The following LRRC38 variants were observed in gnomAD, a reference collection of about 807,000 sequenced individuals.
LRRC38 encodes the protein leucine-rich repeat-containing protein 38.
LRRC38 carries 5 observed loss-of-function variants against 16.4 expected under a neutral mutation model. That is an observed-to-expected ratio of 0.31 (90% CI 0.16 to 0.64). The LOEUF (loss-of-function observed/expected upper bound fraction) is 0.64, where lower values mean the gene tolerates loss of function less well. LRRC38 is among the 30% of genes least tolerant of loss of function. The pLI, the probability that LRRC38 is intolerant of heterozygous loss-of-function variation, is 0.80. For missense variants in LRRC38, 341 were observed against 401.8 expected, an observed-to-expected ratio of 0.85 and a Z score of 1.29; for synonymous variants, 191 against 190.2, an observed-to-expected ratio of 1.00 and a Z score of -0.04.
intron 1 of LRRC38, among the ~76,000 whole-genome samples, chr1:13,485,289 A>G (rs1168579180): frequency 7.5e-6 from 1 of 134,048 alleles, no homozygotes; most frequent in South Asian, 2.5e-4. Context: ...AAAAAAAAAA[A>G]AAAAACGGCC....
At chr1:13,483,659 G>A (rs796444409) in intron 1 of LRRC38, among the ~76,000 whole-genome samples, 69 of 152,272 alleles carry the variant, frequency 4.5e-4, no homozygotes, top group African/African-American at 1.5e-3. Flanking sequence ...CCCAGGCTGG[G>A]CCACTTCACC....
chr1:13,483,017 T>G (rs571369521), intron 1 of LRRC38, among the ~76,000 whole-genome samples: 44 of 152,328 alleles, frequency 2.9e-4, no homozygotes, highest in African/African-American at 1.1e-3. Context: ...CCCCAGCTGG[T>G]CTGGCTCTGG....
chr1:13,483,221 G>A (rs781454692), intron 1 of LRRC38, among the ~76,000 whole-genome samples: 10 of 151,646 alleles, frequency 6.6e-5, no homozygotes, highest in Admixed American at 4.6e-4. Context: ...GTGTGATCTC[G>A]GCTCACTGGA....
chr1:13,481,553 G>A (rs1278285512), intron 1 of LRRC38, among the ~76,000 whole-genome samples: 19 of 151,330 alleles, frequency 1.3e-4, no homozygotes, highest in South Asian at 2.1e-4. Flanking sequence ...CACCACGCCC[G>A]GCTAATTTTT....
At chr1:13,481,772 C>T (rs1402180674) in intron 1 of LRRC38, among the ~76,000 whole-genome samples, 696 of 29,956 alleles carry the variant, frequency 0.023, 24 homozygotes, top group Non-Finnish European at 0.026. Flanking sequence ...CCTCTCTCTC[C>T]CTCTCTCCCT....
intron 1 of LRRC38, among the ~76,000 whole-genome samples, chr1:13,505,604 G>A (rs1201157454): frequency 6.6e-6 from 1 of 152,166 alleles, no homozygotes; most frequent in African/African-American, 2.4e-5. Flanking sequence ...TGGCCTCTTG[G>A]AGCCTGCATT....
intron 1 of LRRC38, among the ~76,000 whole-genome samples, chr1:13,486,137 C>T (rs939385134): frequency 6.6e-6 from 1 of 151,978 alleles, no homozygotes; most frequent in Admixed American, 6.6e-5. Flanking sequence ...TGGGGTTTCG[C>T]CATATTGGCC....
At chr1:13,476,337 G>A (rs1022670950) in intron 1 of LRRC38, among the ~76,000 whole-genome samples, 6 of 149,918 alleles carry the variant, frequency 4.0e-5, no homozygotes, top group African/African-American at 1.5e-4. Context: ...TCAGGTGTTT[G>A]TTTTTTGTTT....
At chr1:13,477,317 G>T (rs745517614) in intron 1 of LRRC38, among the ~76,000 whole-genome samples, 7 of 152,078 alleles carry the variant, frequency 4.6e-5, no homozygotes, top group Non-Finnish European at 1.5e-5. Flanking sequence ...GGATACAGCA[G>T]GAAACAAAAC....
intron 1 of LRRC38, among the ~76,000 whole-genome samples, chr1:13,492,029 C>T (rs552299131): frequency 6.6e-6 from 1 of 152,204 alleles, no homozygotes; most frequent in African/African-American, 2.4e-5. Flanking sequence ...ACATTCACAC[C>T]GTTATGCAAC....
At chr1:13,477,998 C>T (rs1479720388) in intron 1 of LRRC38, among the ~76,000 whole-genome samples, 2 of 152,154 alleles carry the variant, frequency 1.3e-5, no homozygotes, top group East Asian at 1.9e-4. Context: ...GCCCCATCAT[C>T]CCCAACACCA....
chr1:13,507,842 A>T lies in LRRC38; in HGVS notation c.631+5121T>A, dbSNP rs151187681. Reference sequence around the variant, plus strand: ...CCAAAACTCCATCTCAAAACAAACAAACAAACAAAAACAATGGGAAAGGTG... The same window carrying T: ...CCAAAACTCCATCTCAAAACAAACATACAAACAAAAACAATGGGAAAGGTG... On this transcript the variant is annotated intron_variant, in intron 1 of 1. Coordinates refer to ENST00000376085, the MANE Select transcript of LRRC38 (RefSeq NM_001010847.2). Among the ~76,000 whole-genome samples, 42 of 151,816 alleles carry T rather than the reference A, an allele frequency of 2.8e-4. 1 individual carries two copies. In the East Asian group the frequency reaches 8.0e-3, roughly 29 times the overall value.
At chr1:13,508,509 A>G (rs927014962) in intron 1 of LRRC38, among the ~76,000 whole-genome samples, 2 of 152,244 alleles carry the variant, frequency 1.3e-5, no homozygotes, top group East Asian at 3.8e-4. Context: ...GAAAAAAATC[A>G]TTTTGCGAAT....
At chr1:13,509,602 C>T (rs1400320597) in intron 1 of LRRC38, among the ~76,000 whole-genome samples, 1 of 152,184 alleles carries the variant, frequency 6.6e-6, no homozygotes, top group African/African-American at 2.4e-5. Flanking sequence ...TCTGCCCTCC[C>T]TAATGCCCAG....
At chr1:13,494,284 T>C (rs1353283802) in intron 1 of LRRC38, among the ~76,000 whole-genome samples, 2 of 152,124 alleles carry the variant, frequency 1.3e-5, no homozygotes, top group Non-Finnish European at 2.9e-5. Flanking sequence ...TTGAGACACA[T>C]TTGTAGCTCA....
chr1:13,476,791 G>A (rs561514149), intron 1 of LRRC38, among the ~76,000 whole-genome samples: 15 of 152,214 alleles, frequency 9.9e-5, no homozygotes, highest in Non-Finnish European at 1.8e-4. Flanking sequence ...GCCAACTAGC[G>A]GACAGACCCT....
At chr1:13,486,054 T>G (rs1472140329) in intron 1 of LRRC38, among the ~76,000 whole-genome samples, 1 of 152,196 alleles carries the variant, frequency 6.6e-6, no homozygotes, top group Non-Finnish European at 1.5e-5. Flanking sequence ...TTCTCCTGTC[T>G]CAGCCTCCCG....
intron 1 of LRRC38, among the ~76,000 whole-genome samples, chr1:13,481,782 TCTCTCC>T (rs60716974): frequency 0.016 from 447 of 27,112 alleles, 1 homozygote; most frequent in African/African-American, 0.11. Context: ...CCTCTCTCCC[TCTCTCC>T]CTCTCTCTCT....
At chr1:13,486,232 C>T (rs999341779) in intron 1 of LRRC38, among the ~76,000 whole-genome samples, 11 of 152,284 alleles carry the variant, frequency 7.2e-5, no homozygotes, top group Non-Finnish European at 1.0e-4. Context: ...TGTCTCCATA[C>T]GGCCTCTGCT....
Sources: gnomAD v4.1 joint callset for allele counts (sites outside exome capture counted in the v4.1 genomes callset) on GRCh38, gnomAD v4.1.1 for gene constraint, MANE v1.5 for transcripts, NCBI Gene and HGNC (gene_info 2026-07-23, HGNC 2026-07-21) for gene names.